The following CACNA2D3 variants were observed in gnomAD, a reference collection of about 807,000 sequenced individuals.
CACNA2D3 encodes the protein calcium voltage-gated channel auxiliary subunit alpha2delta 3.
Under a neutral mutation model 160.6 loss-of-function variants are expected in CACNA2D3, and 60 were observed. That is an observed-to-expected ratio of 0.37 (90% confidence interval 0.30 to 0.46). The LOEUF (loss-of-function observed/expected upper bound fraction) is 0.46. Among genes scored for constraint, CACNA2D3 ranks in the 20% least tolerant of loss-of-function variants. The pLI is 1.00. For synonymous variants in CACNA2D3, 558 were observed against 492.9 expected, an observed-to-expected ratio of 1.13 and a Z score of -1.75; for missense variants, 1,205 against 1,365.0, an observed-to-expected ratio of 0.88 and a Z score of 1.85.
intron 2 of CACNA2D3, among the ~76,000 whole-genome samples, chr3:54,226,073 G>A (rs963828959): frequency 4.6e-5 from 7 of 152,048 alleles, no homozygotes; most frequent in South Asian, 2.1e-4. Flanking sequence ...AGCCTGGAGC[G>A]TTTACCAGCG....
chr3:55,067,985 C>T (rs762925440), intron 35 of CACNA2D3, among the ~76,000 whole-genome samples: 6 of 152,066 alleles, frequency 3.9e-5, no homozygotes, highest in Non-Finnish European at 8.8e-5. Context: ...CTGTGTTATG[C>T]ACTGTTCCTC....
In CACNA2D3 at chr3:54,911,349, G is replaced by GTATTTT. The variant is rs1700551309; in HGVS notation, c.2449+11482_2449+11483insATTTTT. Among the ~76,000 whole-genome samples the GTATTTT allele has an allele frequency of 1.7e-4, 3 of 18,008 alleles. No individual in the cohort carries two copies. In the Admixed American group the frequency reaches 2.3e-3, roughly 14 times the overall value. 11.8% of individuals were successfully genotyped at this position (18,008 alleles called of 152,430 possible). ...CTCCTCCTCCCCCTCCTTCTTTGTCGTCTTTTTTTTTTTTTTTTTTTTTTA... is the reference window on the plus strand; with the variant it reads ...CTCCTCCTCCCCCTCCTTCTTTGTCGTATTTTTCTTTTTTTTTTTTTTTTTTTTTTA... On this transcript the variant is annotated intron_variant, in intron 27 of 37. Coordinates refer to ENST00000474759, the MANE Select transcript of CACNA2D3 (RefSeq NM_018398.3).
At chr3:54,570,232 T>C (rs1046259487) in intron 8 of CACNA2D3, 128 bp downstream of exon 8, 5 of 976,586 alleles carry the variant, frequency 5.1e-6, no homozygotes, top group Non-Finnish European at 6.2e-6. Context: ...CTGGTTAGTC[T>C]CATGAAAGTT....
At chr3:55,064,202 G>T (rs1185748275) in intron 35 of CACNA2D3, among the ~76,000 whole-genome samples, 2 of 152,242 alleles carry the variant, frequency 1.3e-5, no homozygotes, top group Non-Finnish European at 2.9e-5. Context: ...CCTTGCCAGG[G>T]GCTTGCTGTC....
chr3:54,297,015 G>C (rs1703357892), intron 2 of CACNA2D3, among the ~76,000 whole-genome samples: 2 of 152,070 alleles, frequency 1.3e-5, no homozygotes, highest in South Asian at 2.1e-4. Flanking sequence ...TTTTGATCCA[G>C]GTCTCAGAAT....
At chr3:54,466,118 G>T (rs896296334) in intron 4 of CACNA2D3, among the ~76,000 whole-genome samples, 1 of 151,972 alleles carries the variant, frequency 6.6e-6, no homozygotes, top group African/African-American at 2.4e-5. Flanking sequence ...CTTTTGAATC[G>T]GGTTCACATC....
intron 2 of CACNA2D3, among the ~76,000 whole-genome samples, chr3:54,165,053 C>T (rs1236711162): frequency 6.6e-6 from 1 of 151,890 alleles, no homozygotes; most frequent in Non-Finnish European, 1.5e-5. Context: ...GTTTTAGCCC[C>T]AGCTCTGCCT....
At position 54,977,220 on chromosome 3, in the gene CACNA2D3, G is replaced by C. The variant is rs1159413841; in HGVS notation, c.2556+7376G>C. 2.6e-5 allele frequency among the ~76,000 whole-genome samples: 4 copies of C among 152,082 alleles called. No homozygotes were observed. The East Asian group carries it at 7.7e-4, about 29-fold the overall frequency. Reference sequence around the variant, plus strand: ...GTAAAGAGTTTGATCAATTTTCCTAGGGTACTTTTCTTAGTCCTTTGCTGT... The same window carrying C: ...GTAAAGAGTTTGATCAATTTTCCTACGGTACTTTTCTTAGTCCTTTGCTGT... On this transcript the variant is annotated intron_variant, in intron 29 of 37. Transcript: ENST00000474759.
chr3:55,013,366 A>T (rs2107150334), intron 34 of CACNA2D3, among the ~76,000 whole-genome samples: 1 of 152,304 alleles, frequency 6.6e-6, no homozygotes, highest in Non-Finnish European at 1.5e-5. Flanking sequence ...TCCAGCTGAC[A>T]GCCCTCTGCT....
At chr3:54,819,826 A>T (rs148829158) in intron 14 of CACNA2D3, among the ~76,000 whole-genome samples, 1 of 152,108 alleles carries the variant, frequency 6.6e-6, no homozygotes, top group African/African-American at 2.4e-5. Flanking sequence ...GCCTGGTGAC[A>T]GGGTGAGACT....
At chr3:54,633,804 T>A (rs1031715821) in intron 10 of CACNA2D3, 5 of 152,186 alleles carry the variant, frequency 3.3e-5, no homozygotes, top group African/African-American at 1.2e-4. Context: ...CATTGAACAT[T>A]TAACCTGTGG....
At chr3:54,204,332 C>A (rs915339320) in intron 2 of CACNA2D3, among the ~76,000 whole-genome samples, 1 of 151,610 alleles carries the variant, frequency 6.6e-6, no homozygotes, top group Non-Finnish European at 1.5e-5. Context: ...TGTGTATATA[C>A]CATATATATA....
intron 3 of CACNA2D3, among the ~76,000 whole-genome samples, chr3:54,357,432 A>AG (rs1698668860): frequency 6.6e-6 from 1 of 152,216 alleles, no homozygotes; most frequent in Non-Finnish European, 1.5e-5. Flanking sequence ...ATTGCTGGTG[A>AG]GGATGTGAAG....
chr3:54,722,413 A>G (rs557563900), intron 11 of CACNA2D3, among the ~76,000 whole-genome samples: 13 of 152,204 alleles, frequency 8.5e-5, no homozygotes, highest in South Asian at 6.2e-4. Flanking sequence ...ACTTCTGTCA[A>G]TTTGTCAAAC....
chr3:54,921,724 A>G (rs1286348263), intron 27 of CACNA2D3, among the ~76,000 whole-genome samples: 1 of 152,148 alleles, frequency 6.6e-6, no homozygotes, highest in African/African-American at 2.4e-5. Flanking sequence ...AAACTTGGCG[A>G]CATCACAAGC....
At chr3:54,635,130 G>T (rs564062852) in intron 10 of CACNA2D3, among the ~76,000 whole-genome samples, 1 of 151,988 alleles carries the variant, frequency 6.6e-6, no homozygotes, top group South Asian at 2.1e-4. Flanking sequence ...GGGTGATATT[G>T]TGGGGTTGTT....
At chr3:54,418,263 C>T (rs1699786329) in intron 4 of CACNA2D3, among the ~76,000 whole-genome samples, 1 of 152,216 alleles carries the variant, frequency 6.6e-6, no homozygotes, top group African/African-American at 2.4e-5. Flanking sequence ...TTCTGTCCTG[C>T]ATATGAATGT....
intron 13 of CACNA2D3, among the ~76,000 whole-genome samples, chr3:54,786,357 G>C (rs1309409101): frequency 6.6e-6 from 1 of 152,184 alleles, no homozygotes; most frequent in African/African-American, 2.4e-5. Flanking sequence ...CCACTTGGGA[G>C]AACCTGATTT....
chr3:55,062,299 A>C (rs1394088606), intron 35 of CACNA2D3, among the ~76,000 whole-genome samples: 1 of 140,528 alleles, frequency 7.1e-6, no homozygotes. Flanking sequence ...TTTTTTTGAC[A>C]TACAGCCTCA....
Sources: gnomAD v4.1 joint callset for allele counts (sites outside exome capture counted in the v4.1 genomes callset) on GRCh38, gnomAD v4.1.1 for gene constraint, MANE v1.5 for transcripts, NCBI Gene and HGNC (gene_info 2026-07-23, HGNC 2026-07-21) for gene names.